Variants in NEGR1 observed in about 807,000 individuals in gnomAD.
The protein encoded by NEGR1 is IgLON family member 4.
Under a neutral mutation model 40.9 loss-of-function variants are expected in NEGR1, and 10 were observed. The observed-to-expected ratio is 0.24, with a 90% CI of 0.15 to 0.42. The LOEUF (loss-of-function observed/expected upper bound fraction) is 0.42, where lower values mean the gene tolerates loss of function less well. Ranked by LOEUF, NEGR1 falls within the 10% of genes least tolerant of loss-of-function variation. The pLI, the probability that NEGR1 is intolerant of heterozygous loss-of-function variation, is 1.00. For synonymous variants in NEGR1, 185 were observed against 166.8 expected (o/e 1.11, Z -0.84); for missense variants, 352 against 438.9 (o/e 0.80, Z 1.77).
Position 72,199,351 on chromosome 1 carries a change from G to A in NEGR1, c.176+82968C>T, listed in dbSNP as rs542449815. 3.9e-5 allele frequency among the ~76,000 whole-genome samples: 6 copies of A among 152,076 alleles called. No homozygotes were observed. In the East Asian group the frequency reaches 1.2e-3, roughly 30 times the overall value. On this transcript the variant is annotated intron_variant, in intron 1 of 6. Coordinates refer to ENST00000357731, the MANE Select transcript of NEGR1 (RefSeq NM_173808.3). ...TTAATTATCACAACATCTCTAGAAG[G>A]TAGACAATATAAATATCCCTATTTT...
intron 6 of NEGR1, among the ~76,000 whole-genome samples, chr1:71,438,457 A>G (rs1646524517): frequency 6.6e-6 from 1 of 152,166 alleles, no homozygotes. Flanking sequence ...AAGCTCTCTA[A>G]ACAAACATAA....
rs1209105662 is a variant in NEGR1 at position 71,401,650 on chromosome 1, C to T, written c.*5796G>A. The stretch of plus-strand genomic sequence containing the variant: ...CAAACAACATCACTCAGATTAAAAT[C>T]AGTATTGTGAATTTTTTTAAAAGTG... On this transcript the variant is annotated 3_prime_UTR_variant, in exon 7 of 7. Transcript: ENST00000357731. 1 of 152,188 alleles carries T rather than the reference C, an allele frequency of 6.6e-6. No homozygotes were observed. Among genetic ancestry groups the T allele is most frequent in the African/African-American group, 2.4e-5 (1 of 41,444 alleles). The allele number at this position is 152,188 out of a possible 1,614,324, so 9.4% of individuals were successfully genotyped here.
chr1:71,491,096 C>T (rs1646924660), intron 6 of NEGR1, among the ~76,000 whole-genome samples: 1 of 151,870 alleles, frequency 6.6e-6, no homozygotes, highest in African/African-American at 2.4e-5. Context: ...TAGAATTAAC[C>T]ACCTACAGAT....
chr1:71,577,811 G>C (rs548752298), intron 6 of NEGR1, among the ~76,000 whole-genome samples: 1 of 152,190 alleles, frequency 6.6e-6, no homozygotes, highest in South Asian at 2.1e-4. Flanking sequence ...ATCTCACGTT[G>C]AATTCAACTA....
At chr1:72,054,822 T>C (rs903347186) in intron 1 of NEGR1, among the ~76,000 whole-genome samples, 1 of 151,154 alleles carries the variant, frequency 6.6e-6, no homozygotes, top group Non-Finnish European at 1.5e-5. Context: ...TAAATATATC[T>C]ATTTCTTTCT....
intron 2 of NEGR1, among the ~76,000 whole-genome samples, chr1:71,895,422 G>T (rs949144329): frequency 1.3e-5 from 2 of 152,120 alleles, no homozygotes; most frequent in Admixed American, 6.5e-5. Context: ...ACTCCCAAAA[G>T]AAATGCCATT....
intron 1 of NEGR1, among the ~76,000 whole-genome samples, chr1:72,139,858 A>G (rs1300505477): frequency 4.6e-5 from 7 of 151,978 alleles, no homozygotes; most frequent in South Asian, 2.1e-4. Flanking sequence ...AGTTATCTCA[A>G]TTGTGCTATT....
chr1:71,665,224 T>A (rs557699272), intron 4 of NEGR1, among the ~76,000 whole-genome samples: 9 of 152,344 alleles, frequency 5.9e-5, no homozygotes, highest in Admixed American at 3.3e-4. Flanking sequence ...TAGTTTTCTT[T>A]ACACAGCATT....
At chr1:71,625,262 A>C (rs905509471) in intron 4 of NEGR1, among the ~76,000 whole-genome samples, 1 of 151,320 alleles carries the variant, frequency 6.6e-6, no homozygotes, top group Non-Finnish European at 1.5e-5. Context: ...GATACCTTAT[A>C]TTTTTCTTTA....
intron 6 of NEGR1, among the ~76,000 whole-genome samples, chr1:71,527,437 ATCCATCC>A (rs1647231720): frequency 6.6e-6 from 1 of 150,824 alleles, no homozygotes; most frequent in African/African-American, 2.4e-5. Context: ...CCATCCATCC[ATCCATCC>A]ATCCATGGGT....
chr1:72,193,678 ATTTT>A (rs1454593436), intron 1 of NEGR1, among the ~76,000 whole-genome samples: 2 of 151,402 alleles, frequency 1.3e-5, no homozygotes, highest in African/African-American at 4.8e-5. Context: ...TTATATATTC[ATTTT>A]TAATTATATG....
intron 1 of NEGR1, among the ~76,000 whole-genome samples, chr1:72,047,226 G>T (rs2100467881): frequency 6.6e-6 from 1 of 151,172 alleles, no homozygotes; most frequent in East Asian, 1.9e-4. Context: ...ACAAGGAAAA[G>T]ATGAGATTTA....
At chr1:71,811,629 T>G (rs1658005696) in intron 2 of NEGR1, among the ~76,000 whole-genome samples, 1 of 150,850 alleles carries the variant, frequency 6.6e-6, no homozygotes, top group Non-Finnish European at 1.5e-5. Context: ...TATAATTATA[T>G]GTACTCTTTC....
intron 3 of NEGR1, among the ~76,000 whole-genome samples, 153 bp downstream of exon 3, chr1:71,776,019 A>G (rs925186748): frequency 6.6e-5 from 10 of 151,280 alleles, no homozygotes; most frequent in African/African-American, 2.2e-4. Context: ...ATAAATAAAT[A>G]AATAAATAAA....
At chr1:71,701,229 T>G (rs1306004235) in intron 3 of NEGR1, among the ~76,000 whole-genome samples, 1 of 152,044 alleles carries the variant, frequency 6.6e-6, no homozygotes, top group Non-Finnish European at 1.5e-5. Context: ...AAAATCAATG[T>G]GTCAGAGGTT....
chr1:71,589,270 T>G (rs1255194952), intron 6 of NEGR1, among the ~76,000 whole-genome samples: 1 of 152,116 alleles, frequency 6.6e-6, no homozygotes, highest in East Asian at 1.9e-4. Flanking sequence ...CTCAGGCATC[T>G]CCATCCACAC....
chr1:72,135,422 C>CA (rs71074820), intron 1 of NEGR1, among the ~76,000 whole-genome samples: 38 of 102,264 alleles, frequency 3.7e-4, no homozygotes, highest in African/African-American at 9.8e-4. Context: ...AAAACAAAAC[C>CA]AAAAAAAAAA....
intron 4 of NEGR1, among the ~76,000 whole-genome samples, chr1:71,692,295 A>G (rs569058097): frequency 4.0e-5 from 6 of 151,750 alleles, no homozygotes; most frequent in Non-Finnish European, 8.9e-5. Flanking sequence ...TTAGCTTAAA[A>G]AAAAACATAA....
chr1:72,272,684 A>T (rs1397415543), intron 1 of NEGR1, among the ~76,000 whole-genome samples: 4 of 151,910 alleles, frequency 2.6e-5, no homozygotes, highest in Admixed American at 2.6e-4. Flanking sequence ...ACCTTTACAT[A>T]TTTTATGGCA....
Sources: allele counts gnomAD v4.1 joint callset (sites outside exome capture counted in the v4.1 genomes callset), GRCh38; gene constraint gnomAD v4.1.1; transcripts MANE v1.5; gene names NCBI Gene and HGNC (gene_info 2026-07-23, HGNC 2026-07-21).